Variants in RUNX1T1 observed in about 807,000 individuals in gnomAD.
The protein encoded by RUNX1T1 is protein CBFA2T1.
A neutral mutation model predicts 62.8 loss-of-function variants in RUNX1T1; 4 were observed. The ratio of observed to expected loss-of-function variants is 0.06; its 90% CI spans 0.03 to 0.15. RUNX1T1 has a LOEUF of 0.15. Ranked by LOEUF, RUNX1T1 falls within the 10% of genes least tolerant of loss-of-function variation. The pLI is 1.00. For synonymous variants in RUNX1T1, 291 were observed against 286.0 expected, an observed-to-expected ratio of 1.02 and a Z score of -0.18; for missense variants, 508 against 754.3, an observed-to-expected ratio of 0.67 and a Z score of 3.82.
chr8:92,095,698 G>T, intron 1 of RUNX1T1: 1 of 710,470 alleles, frequency 1.4e-6, no homozygotes, highest in Non-Finnish European at 2.1e-6. Context: ...GGAGGAGGGG[G>T]CGGGGGCTCA....
At chr8:92,034,775 T>TAC (rs747778564) in intron 1 of RUNX1T1, among the ~76,000 whole-genome samples, 14,069 of 137,230 alleles carry the variant, frequency 0.1, 1,300 homozygotes, top group African/African-American at 0.13. Flanking sequence ...TACATATATA[T>TAC]ACACATATAT....
chr8:91,975,880 A>C (rs764713465), intron 9 of RUNX1T1, 25 bp downstream of exon 10: 6 of 1,533,302 alleles, frequency 3.9e-6, no homozygotes, highest in Non-Finnish European at 4.5e-6. Context: ...AGAACACGAA[A>C]CTCATGTTTT....
At chr8:92,012,947 T>A (rs991559514) in intron 3 of RUNX1T1, among the ~76,000 whole-genome samples, 17 of 152,166 alleles carry the variant, frequency 1.1e-4, no homozygotes, top group African/African-American at 4.1e-4. Context: ...TTTTTAAAAG[T>A]ATTTCACGCA....
intron 1 of RUNX1T1, among the ~76,000 whole-genome samples, chr8:92,048,369 G>C (rs997847897): frequency 1.3e-5 from 2 of 151,952 alleles, no homozygotes; most frequent in Non-Finnish European, 2.9e-5. Context: ...GCTTGTTACG[G>C]ATTTTAATTC....
chr8:91,991,765 G>C (rs201542863), exon 6 of RUNX1T1: 76 of 1,614,010 alleles, frequency 4.7e-5, no homozygotes, highest in Admixed American at 5.0e-5. Context: ...GGGTGAGGCA[G>C]GCCATTGGGC....
intron 5 of RUNX1T1, among the ~76,000 whole-genome samples, chr8:91,997,676 G>A (rs970292732): frequency 1.3e-5 from 2 of 151,874 alleles, no homozygotes; most frequent in Non-Finnish European, 2.9e-5. Flanking sequence ...ATCTCTATAC[G>A]GGTCCCTCCT....
chr8:92,095,395 A>C, intron 1 of RUNX1T1: 2 of 1,535,590 alleles, frequency 1.3e-6, no homozygotes, highest in Non-Finnish European at 1.7e-6. Context: ...GGCGGCACCC[A>C]GACCGCGGCT....
At chr8:92,091,653 TAA>T (rs962231045) in intron 1 of RUNX1T1, among the ~76,000 whole-genome samples, 43 of 152,282 alleles carry the variant, frequency 2.8e-4, no homozygotes, top group African/African-American at 1.0e-3. Context: ...CATCTTTTCT[TAA>T]AAGTGTCAGA....
intron 9 of RUNX1T1, among the ~76,000 whole-genome samples, chr8:91,975,543 A>T (rs1383447157): frequency 6.6e-6 from 1 of 151,446 alleles, no homozygotes; most frequent in Non-Finnish European, 1.5e-5. Context: ...AATTTCTAAG[A>T]CACTGGAATT....
chr8:92,028,690 T>A (rs973009938), intron 1 of RUNX1T1, among the ~76,000 whole-genome samples: 2 of 152,152 alleles, frequency 1.3e-5, no homozygotes, highest in African/African-American at 4.8e-5. Flanking sequence ...AAATAGCAAA[T>A]GTCTACTTAA....
chr8:92,007,253 G>T (rs1032301058), intron 4 of RUNX1T1, among the ~76,000 whole-genome samples: 1 of 152,080 alleles, frequency 6.6e-6, no homozygotes, highest in Non-Finnish European at 1.5e-5. Flanking sequence ...ATCACTTGAG[G>T]TCAGGAGTTC....
intron 1 of RUNX1T1, among the ~76,000 whole-genome samples, chr8:92,034,516 T>C (rs1040757088): frequency 3.3e-5 from 5 of 152,098 alleles, no homozygotes; most frequent in African/African-American, 9.7e-5. Flanking sequence ...GATGCATTAA[T>C]TGAGAACGAA....
chr8:92,034,416 C>T (rs1373417052), intron 1 of RUNX1T1, among the ~76,000 whole-genome samples: 2 of 152,050 alleles, frequency 1.3e-5, no homozygotes, highest in Admixed American at 1.3e-4. Context: ...AGCAGTTTCA[C>T]TAAAAGTTGA....
At chr8:92,068,793 C>T (rs566971058) in intron 2 of RUNX1T1, among the ~76,000 whole-genome samples, 8 of 152,078 alleles carry the variant, frequency 5.3e-5, no homozygotes, top group African/African-American at 1.9e-4. Flanking sequence ...CTGTGTGAGC[C>T]CAGCAAACAA....
At chr8:91,957,409 C>G (rs1045682929), downstream of RUNX1T1, 10 of 227,968 alleles carry the variant, frequency 4.4e-5, no homozygotes, top group Non-Finnish European at 7.8e-5. Context: ...AAACTTTTTG[C>G]CACTGAGGAG....
intron 1 of RUNX1T1, among the ~76,000 whole-genome samples, chr8:92,032,957 T>C (rs946623902): frequency 6.6e-6 from 1 of 152,180 alleles, no homozygotes; most frequent in Non-Finnish European, 1.5e-5. Context: ...CTTTTTTTCA[T>C]CCAACAAAAT....
intron 1 of RUNX1T1, among the ~76,000 whole-genome samples, chr8:92,096,980 C>A (rs536384093): frequency 2.0e-5 from 3 of 152,064 alleles, no homozygotes; most frequent in Non-Finnish European, 2.9e-5. Flanking sequence ...TCTCCCCCAC[C>A]CCACCCAAAC....
chr8:92,066,195 C>A (rs185035499), upstream of RUNX1T1, among the ~76,000 whole-genome samples: 35 of 152,206 alleles, frequency 2.3e-4, no homozygotes, highest in Admixed American at 2.1e-3. Flanking sequence ...CAATGATCAC[C>A]CAACGAGCAT....
chr8:92,006,106 T>C (rs1820724233), intron 4 of RUNX1T1: 1 of 152,038 alleles, frequency 6.6e-6, no homozygotes. Flanking sequence ...GGCTGGTTGA[T>C]AGGCTGATCG....
Sources: gnomAD v4.1 joint callset for allele counts (sites outside exome capture counted in the v4.1 genomes callset) on GRCh38, gnomAD v4.1.1 for gene constraint, MANE v1.5 for transcripts, NCBI Gene and HGNC (gene_info 2026-07-23, HGNC 2026-07-21) for gene names.